The following QTMAN variants were observed in gnomAD, a reference collection of about 807,000 sequenced individuals.
QTMAN encodes tRNA-queuosine alpha-mannosyltransferase.
the QTMAN span, among the ~76,000 whole-genome samples, chr2:143,950,710 TG>T: frequency 6.6e-6 from 1 of 151,646 alleles, no homozygotes. Context: ...GTCTATCACA[TG>T]GGAAACTATT....
the QTMAN span, among the ~76,000 whole-genome samples, chr2:144,012,837 T>C: frequency 6.6e-6 from 1 of 152,102 alleles, no homozygotes. Flanking sequence ...TGATACAAGA[T>C]TATTCCATAT....
At chr2:144,065,596 G>T in the QTMAN span, among the ~76,000 whole-genome samples, 1 of 151,984 alleles carries the variant, frequency 6.6e-6, no homozygotes, top group Non-Finnish European at 1.5e-5. Context: ...CCCAGGGGTG[G>T]TAACACTGTT....
At chr2:143,971,648 T>A in the QTMAN span, among the ~76,000 whole-genome samples, 1 of 152,184 alleles carries the variant, frequency 6.6e-6, no homozygotes, top group African/African-American at 2.4e-5. Context: ...TTTTAAATTA[T>A]CTTATTTCAG....
chr2:144,200,774 T>C, the QTMAN span, among the ~76,000 whole-genome samples: 1 of 152,066 alleles, frequency 6.6e-6, no homozygotes, highest in African/African-American at 2.4e-5. Context: ...CCCATGAAAG[T>C]GAAAAAAATG....
the QTMAN span, among the ~76,000 whole-genome samples, chr2:144,127,290 C>CA: frequency 6.6e-6 from 1 of 151,476 alleles, no homozygotes; most frequent in African/African-American, 2.4e-5. Flanking sequence ...CAAACACACA[C>CA]AAAAAAAATG....
the QTMAN span, among the ~76,000 whole-genome samples, chr2:144,057,876 C>T: frequency 6.6e-6 from 1 of 152,024 alleles, no homozygotes; most frequent in East Asian, 1.9e-4. Flanking sequence ...AAGGGTCTCA[C>T]TTATGTTGCA....
the QTMAN span, among the ~76,000 whole-genome samples, chr2:144,024,519 A>C: frequency 6.6e-6 from 1 of 152,164 alleles, no homozygotes; most frequent in Non-Finnish European, 1.5e-5. Flanking sequence ...AGGTTGGTTG[A>C]AGGGTAATTA....
At chr2:143,949,097 T>C in the QTMAN span, among the ~76,000 whole-genome samples, 6 of 151,970 alleles carry the variant, frequency 3.9e-5, no homozygotes, top group Non-Finnish European at 8.8e-5. Flanking sequence ...TCTCTAACAA[T>C]CCTAAGCCAA....
chr2:144,009,476 A>T, the QTMAN span, among the ~76,000 whole-genome samples: 1 of 152,120 alleles, frequency 6.6e-6, no homozygotes, highest in Non-Finnish European at 1.5e-5. Context: ...CCCTATGTAC[A>T]TTCCAGAACC....
At chr2:144,128,042 A>G in the QTMAN span, 4 of 152,042 alleles carry the variant, frequency 2.6e-5, no homozygotes, top group African/African-American at 7.2e-5. Flanking sequence ...TGCTACAGCC[A>G]CCCTGCAATG....
the QTMAN span, among the ~76,000 whole-genome samples, chr2:144,019,672 C>A: frequency 1.1e-3 from 172 of 152,164 alleles, 2 homozygotes; most frequent in African/African-American, 4.0e-3. Context: ...TATGCAGCTC[C>A]CACTTCAACA....
chr2:143,942,441 G>A, the QTMAN span: 3 of 167,512 alleles, frequency 1.8e-5, no homozygotes, highest in Non-Finnish European at 2.9e-5. Context: ...TCGCTCCTGC[G>A]TCTTAAAGAG....
the QTMAN span, among the ~76,000 whole-genome samples, chr2:144,262,606 GAGGGGAGAT>G: frequency 7.8e-6 from 1 of 128,902 alleles, no homozygotes; most frequent in Non-Finnish European, 1.7e-5. Flanking sequence ...GAGAGGAGGG[GAGGGGAGAT>G]AGGAGAGGAA....
chr2:143,993,913 G>A, the QTMAN span, among the ~76,000 whole-genome samples: 2 of 152,148 alleles, frequency 1.3e-5, no homozygotes, highest in East Asian at 3.8e-4. Context: ...GCAGGGGTTT[G>A]CATTTAGATG....
chr2:143,942,687 A>C, the QTMAN span: 1 of 167,120 alleles, frequency 6.0e-6, no homozygotes, highest in Non-Finnish European at 1.5e-5. Context: ...AGCCCCAAGA[A>C]ACAGGAACCT....
At chr2:143,971,118 T>C in the QTMAN span, among the ~76,000 whole-genome samples, 1 of 151,240 alleles carries the variant, frequency 6.6e-6, no homozygotes, top group Admixed American at 6.6e-5. Context: ...AAATAAACTT[T>C]TTTTTTTTTT....
chr2:144,090,505 T>C, the QTMAN span, among the ~76,000 whole-genome samples: 1 of 152,022 alleles, frequency 6.6e-6, no homozygotes, highest in African/African-American at 2.4e-5. Flanking sequence ...TAAGTTACTT[T>C]AAAAATGCGA....
the QTMAN span, among the ~76,000 whole-genome samples, chr2:143,982,365 G>A: frequency 6.6e-6 from 1 of 151,482 alleles, no homozygotes; most frequent in Non-Finnish European, 1.5e-5. Context: ...CAAGTATCTG[G>A]GATTACAGGC....
the QTMAN span, among the ~76,000 whole-genome samples, chr2:144,057,700 T>G: frequency 6.6e-6 from 1 of 152,228 alleles, no homozygotes; most frequent in Non-Finnish European, 1.5e-5. Flanking sequence ...TATTTATGAT[T>G]TCTCAACTGA....
Sources: allele counts gnomAD v4.1 joint callset (sites outside exome capture counted in the v4.1 genomes callset), GRCh38; gene constraint gnomAD v4.1.1; transcripts MANE v1.5; gene names NCBI Gene and HGNC (gene_info 2026-07-23, HGNC 2026-07-21).